Variants in HRH2 observed in about 807,000 individuals in gnomAD.
The protein encoded by HRH2 is histamine H2 receptor.
Under a neutral mutation model 20.1 loss-of-function variants are expected in HRH2, and 4 were observed. That is an observed-to-expected ratio of 0.20 (90% CI 0.10 to 0.45). The LOEUF (loss-of-function observed/expected upper bound fraction) is 0.45. HRH2 is among the 20% of genes least tolerant of loss of function. The pLI, the probability that HRH2 is intolerant of heterozygous loss-of-function variation, is 0.99. For synonymous variants in HRH2, 197 were observed against 200.7 expected, an observed-to-expected ratio of 0.98 and a Z score of 0.16; for missense variants, 250 against 461.6, an observed-to-expected ratio of 0.54 and a Z score of 4.20.
At chr5:175,700,732 A>C (rs185564959) in intron 2 of HRH2, among the ~76,000 whole-genome samples, 137 of 152,162 alleles carry the variant, frequency 9.0e-4, no homozygotes, top group Admixed American at 7.5e-3. Flanking sequence ...AAAAATAATA[A>C]AAAAAATTAG....
At position 175,677,461 on chromosome 5, in the gene HRH2, G is replaced by C. The variant is rs945907917; in HGVS notation, c.-525-5248G>C. Among the ~76,000 whole-genome samples the C allele has an allele frequency of 3.0e-4, 46 of 152,208 alleles. No individual in the cohort carries two copies. The highest frequency in any genetic ancestry group is 1.1e-3 in the African/African-American group (44 of 41,454). On this transcript the variant is annotated intron_variant, in intron 1 of 2. Coordinates refer to ENST00000636584, the MANE Select transcript of HRH2 (RefSeq NM_001367711.1). The surrounding 1 kb of genome is among the most constrained non-coding windows in gnomAD (Gnocchi z 4.2). The stretch of plus-strand genomic sequence containing the variant: ...TAAGTGGGAAGAAAGGGCTCCCTGG[G>C]AAGGCCAGGGATCATTTCAGCTCTG...
intron 2 of HRH2, among the ~76,000 whole-genome samples, chr5:175,703,068 T>G (rs1254396970): frequency 6.6e-6 from 1 of 152,184 alleles, no homozygotes; most frequent in Non-Finnish European, 1.5e-5. Context: ...ATTTAAAGAC[T>G]AAGCATGTAA....
At chr5:175,697,165 C>T (rs1449990739) in intron 2 of HRH2, among the ~76,000 whole-genome samples, 1 of 152,124 alleles carries the variant, frequency 6.6e-6, no homozygotes, top group Non-Finnish European at 1.5e-5. Context: ...GAAGTTTTAC[C>T]TTTAAAGAGG....
rs1757048932 is a variant in HRH2 at position 175,710,068 on chromosome 5, C to CT, written c.*2099dup. On this transcript the variant is annotated 3_prime_UTR_variant, in exon 3 of 3. Transcript: ENST00000636584. ...ATGTCACTTCCTTGAGGAAGTCTTC[C>CT]TTGACCCTCCACACCAAACCAGGCC... 1 of 152,356 alleles carries CT rather than the reference C, an allele frequency of 6.6e-6. No homozygotes were observed. The highest frequency in any genetic ancestry group is 2.1e-4 in the South Asian group (1 of 4,834). 9.4% of individuals were successfully genotyped at this position (152,356 alleles called of 1,614,324 possible).
At chr5:175,659,210 G>A (rs1762661493) in intron 1 of HRH2, among the ~76,000 whole-genome samples, 1 of 152,124 alleles carries the variant, frequency 6.6e-6, no homozygotes, top group African/African-American at 2.4e-5. Context: ...AAGACATGAC[G>A]TCTCTCAGAT....
intron 1 of HRH2, among the ~76,000 whole-genome samples, chr5:175,658,413 G>A (rs962191624): frequency 6.6e-6 from 1 of 152,146 alleles, no homozygotes; most frequent in African/African-American, 2.4e-5. Context: ...TCCCCAAGGG[G>A]GCGTTGAGAG....
At chr5:175,682,450 C>T (rs1002994998) in intron 1 of HRH2, among the ~76,000 whole-genome samples, 1 of 152,182 alleles carries the variant, frequency 6.6e-6, no homozygotes, top group African/African-American at 2.4e-5. Context: ...TCCTTCTTTT[C>T]TCAGTACAAG....
At chr5:175,696,243 A>T (rs1756573259) in intron 2 of HRH2, among the ~76,000 whole-genome samples, 1 of 152,254 alleles carries the variant, frequency 6.6e-6, no homozygotes, top group Non-Finnish European at 1.5e-5. Context: ...AGCCCATCTC[A>T]AAGTGGCAGT....
intron 1 of HRH2, among the ~76,000 whole-genome samples, chr5:175,669,449 C>T (rs541889759): frequency 1.3e-5 from 2 of 151,778 alleles, no homozygotes; most frequent in African/African-American, 2.4e-5. Context: ...CTGCAACCTC[C>T]GCCTGCCAGG....
rs113662694 is a variant in HRH2 at position 175,694,016 on chromosome 5, T to G, written c.1076+9707T>G. On this transcript the variant is annotated intron_variant, in intron 2 of 2. Transcript: ENST00000636584. ...GCTGGCTGACCTGGAGCGAGTGACT[T>G]CCTCTCTCTCAAACTCTTGTGTCTT... 2.8e-3 allele frequency among the ~76,000 whole-genome samples: 425 copies of G among 152,274 alleles called. 4 individuals carry two copies. The highest frequency in any genetic ancestry group is 0.01 in the African/African-American group (416 of 41,548).
In HRH2 at chr5:175,672,608, G is replaced by A. The variant is rs115331005; in HGVS notation, c.-525-10101G>A. On this transcript the variant is annotated intron_variant, in intron 1 of 2. Coordinates refer to ENST00000636584, the MANE Select transcript of HRH2 (RefSeq NM_001367711.1). ...AATAAATGGGATATGATATTGTTAC[G>A]ATGGTTATTTTCAAGTGCGTTTAGC... Among the ~76,000 whole-genome samples the A allele has an allele frequency of 3.3e-3, 506 of 152,306 alleles. 3 individuals carry two copies. Among genetic ancestry groups the A allele is most frequent in the African/African-American group, 0.012 (481 of 41,564 alleles).
chr5:175,683,140 C>A lies in HRH2; in HGVS notation c.-94C>A. ...GGACACATTTTGGATCTGTTGGGAG[C>A]TTGGAGTCCAGTGGTTGGCATAGTT... On this transcript the variant is annotated 5_prime_UTR_variant, in exon 2 of 3. Transcript: ENST00000636584. The A allele has an allele frequency of 8.0e-7, 1 of 1,242,446 alleles. No homozygotes were observed. Among genetic ancestry groups the A allele is most frequent in the Non-Finnish European group, 1.1e-6 (1 of 907,702 alleles). The allele number at this position is 1,242,446 out of a possible 1,614,324, so 77.0% of individuals were successfully genotyped here. A position where few individuals can be genotyped will look rare whatever the true frequency, so the allele number is the denominator to read the frequency against.
intron 1 of HRH2, among the ~76,000 whole-genome samples, chr5:175,666,306 TG>T (rs1254710052): frequency 6.6e-6 from 1 of 152,198 alleles, no homozygotes; most frequent in Admixed American, 6.5e-5. Flanking sequence ...GGGGCGTCAT[TG>T]GGCTCTCTGG....
At chr5:175,695,125 C>T (rs1756528271) in intron 2 of HRH2, among the ~76,000 whole-genome samples, 1 of 152,132 alleles carries the variant, frequency 6.6e-6, no homozygotes, top group Admixed American at 6.5e-5. Context: ...CCAGCCCAGC[C>T]TGCCCCACCT....
Position 175,683,406 on chromosome 5 carries a change from T to C in HRH2, c.173T>C (p.Val58Ala). 1 of 1,614,218 alleles carries C rather than the reference T, an allele frequency of 6.2e-7. No homozygotes were observed. The highest frequency in any genetic ancestry group is 8.5e-7 in the Non-Finnish European group (1 of 1,180,028). ...RLRNLTNCFI[V>A]SLAITDLLLG... ...CGCAACCTGACCAATTGTTTCATCG[T>C]GTCCTTGGCTATCACTGACCTGCTC... The change falls in exon 2 of 3, where the codon GTG becomes GCG. Residue 58 changes from valine (V) to alanine (A), a missense_variant. Around this residue, in one of 5 missense-constraint regions of HRH2, gnomAD observed 86 missense variants for 176.4 expected, o/e 0.49. Coordinates refer to ENST00000636584, the MANE Select transcript of HRH2 (RefSeq NM_001367711.1).
chr5:175,708,072 G>A lies in HRH2; in HGVS notation c.*101G>A, dbSNP rs140272505. On this transcript the variant is annotated 3_prime_UTR_variant, in exon 3 of 3. Coordinates refer to ENST00000636584, the MANE Select transcript of HRH2 (RefSeq NM_001367711.1). ...TCCAAAGCCACCAAGGACTCACCCT[G>A]GACTGAATCTGGGGGCTCCCAGAAC... The A allele has an allele frequency of 1.0e-3, 397 of 398,282 alleles. 4 individuals are homozygous for A. The East Asian group carries it at 0.012, about 12-fold the overall frequency. 24.7% of individuals were successfully genotyped at this position (398,282 alleles called of 1,614,324 possible).
chr5:175,697,333 G>C (rs1756629424), intron 2 of HRH2, among the ~76,000 whole-genome samples: 1 of 151,634 alleles, frequency 6.6e-6, no homozygotes, highest in South Asian at 2.1e-4. Flanking sequence ...CGTGGTGGTG[G>C]GCGCCTGTAA....
Position 175,707,928 on chromosome 5 carries a change from C to T in HRH2, c.1226C>T (p.Pro409Leu), listed in dbSNP as rs539550706. Reference sequence around the variant, plus strand: ...CTGTCTGAGGAGCCACAGAAGAGACCTCCCCAGAAAGCGGTGAGGACGCTG... The same window carrying T: ...CTGTCTGAGGAGCCACAGAAGAGACTTCCCCAGAAAGCGGTGAGGACGCTG... ...EPLSEEPQKR[P>L]PQKAVRTLPS... is the part of the protein sequence containing the mutation. Residue 409 changes from proline (P) to leucine (L), a missense_variant, in exon 3 of 3, where the codon CCT becomes CTT. By Grantham distance (98) the Pro-to-Leu change is moderately conservative. This residue lies in a region of HRH2 where 55 missense variants were observed against 66.9 expected (regional missense o/e 0.82). Transcript: ENST00000636584. The T allele has an allele frequency of 1.0e-3, 411 of 399,140 alleles. 1 individual carries two copies. The highest frequency in any genetic ancestry group is 4.4e-3 in the Middle Eastern group (7 of 1,588). The allele number at this position is 399,140 out of a possible 1,614,324, so 24.7% of individuals were successfully genotyped here. A position where few individuals can be genotyped will look rare whatever the true frequency, so the allele number is the denominator to read the frequency against.
chr5:175,684,781 C>T (rs1756110535), intron 2 of HRH2, among the ~76,000 whole-genome samples: 1 of 152,212 alleles, frequency 6.6e-6, no homozygotes, highest in African/African-American at 2.4e-5. Context: ...ATTTATTGAG[C>T]ACCTGCTATG....
Sources: allele counts gnomAD v4.1 joint callset (sites outside exome capture counted in the v4.1 genomes callset), GRCh38; gene constraint gnomAD v4.1.1; regional missense constraint gnomAD v4.1.1; non-coding constraint Gnocchi (gnomAD v3.1); transcripts MANE v1.5; gene names NCBI Gene and HGNC (gene_info 2026-07-23, HGNC 2026-07-21).